WNK3: variants seen among roughly 807,000 people sequenced by gnomAD.
WNK3 encodes the protein serine/threonine-protein kinase WNK3.
In WNK3, 18 loss-of-function variants were observed where a neutral mutation model predicts 116.7. The observed-to-expected ratio is 0.15, with a 90% CI of 0.11 to 0.23. The LOEUF is 0.23. WNK3 is among the 10% of genes least tolerant of loss of function. WNK3 has a pLI of 1.00. For synonymous variants in WNK3, 404 were observed against 469.4 expected (o/e 0.86, Z 1.80); for missense variants, 993 against 1,323.8 (o/e 0.75, Z 3.88).
In WNK3 at chrX:54,318,778, G is replaced by A. The variant is rs147041326; in HGVS notation, c.538-7487C>T. 8.5e-3 allele frequency among the ~76,000 whole-genome samples: 934 copies of A among 110,457 alleles called. 7 individuals are homozygous for A. Among genetic ancestry groups the A allele is most frequent in the African/African-American group, 0.029 (883 of 30,449 alleles). ...TATGCTTTACTATCTGGCCTAATAA[G>A]TCTTTTCTTTTTTTTTTGAGATGGA... On this transcript the variant is annotated intron_variant, in intron 2 of 23. Transcript: ENST00000354646.
chrX:54,249,120 G>C (rs782086666), exon 17 of WNK3: 54 of 1,209,972 alleles, frequency 4.5e-5, no homozygotes, highest in Non-Finnish European at 5.6e-6. Context: ...GGGTCTGAGT[G>C]GGAATGACTG....
rs187297633 is a variant in WNK3 at position 54,316,966 on chromosome X, T to C, written c.538-5675A>G. 5.9e-3 allele frequency among the ~76,000 whole-genome samples: 657 copies of C among 111,004 alleles called. 7 individuals are homozygous for C. The highest frequency in any genetic ancestry group is 0.033 in the South Asian group (86 of 2,601). ...TATTCTAGGTATATACCCAAAAGAA[T>C]TGAAAGCAGAGACACAGACATTTGT... On this transcript the variant is annotated intron_variant, in intron 2 of 23. Coordinates refer to ENST00000354646, the Ensembl canonical transcript of WNK3.
rs187432834 is a variant in WNK3 at position 54,301,256 on chromosome X, A to T, written c.1178+515T>A. ...AGACTCTGTCTCAAAAAAAAAAAAA[A>T]AAAAAATTAAAAATAAAATAAGAAA... On this transcript the variant is annotated intron_variant, in intron 6 of 23. Coordinates refer to ENST00000354646, the Ensembl canonical transcript of WNK3. Among the ~76,000 whole-genome samples the T allele has an allele frequency of 1.8e-3, 199 of 109,036 alleles. 2 individuals are homozygous for T. The highest frequency in any genetic ancestry group is 3.1e-3 in the Admixed American group (31 of 9,965). The allele number at this position is 109,036 out of a possible 115,157, so 94.7% of individuals were successfully genotyped here.
intron 1 of WNK3, 54 bp downstream of exon 1, chrX:54,357,632 G>GC (rs1186115535): frequency 8.8e-6 from 1 of 113,461 alleles, no homozygotes. Flanking sequence ...TCCCAGACAC[G>GC]CCCCCCGGCC....
intron 1 of WNK3, among the ~76,000 whole-genome samples, chrX:54,347,415 G>A (rs1394164558): frequency 9.0e-6 from 1 of 111,546 alleles, no homozygotes; most frequent in Non-Finnish European, 1.9e-5. Context: ...GAACCCCGGA[G>A]GCAGAGGTTA....
chrX:54,261,594 T>C (rs782726932), intron 10 of WNK3, among the ~76,000 whole-genome samples: 8 of 111,857 alleles, frequency 7.2e-5, no homozygotes, highest in Non-Finnish European at 1.5e-4. Context: ...TTTAACACCT[T>C]GGTGTATATT....
intron 22 of WNK3, among the ~76,000 whole-genome samples, chrX:54,226,498 A>G (rs1409097898): frequency 3.8e-4 from 40 of 104,169 alleles, no homozygotes; most frequent in East Asian, 1.2e-3. Context: ...AGAAGAAGAA[A>G]AAAAAAAAGA....
chrX:54,352,516 G>A (rs1423761272), intron 1 of WNK3, among the ~76,000 whole-genome samples: 2 of 110,780 alleles, frequency 1.8e-5, no homozygotes, highest in Non-Finnish European at 3.8e-5. Context: ...TCTACCAAAT[G>A]TAAAAAATTA....
chrX:54,259,299 G>A, exon 11 of WNK3: 1 of 1,199,120 alleles, frequency 8.3e-7, no homozygotes, highest in Non-Finnish European at 1.1e-6. Flanking sequence ...GGTTTTAGAA[G>A]AGCTGCTTGT....
In WNK3 at chrX:54,309,267, C is replaced by T; in HGVS notation, c.759G>A (p.Trp253Ter). 1 of 1,211,326 alleles carries T rather than the reference C, an allele frequency of 8.3e-7. No homozygotes were observed. Residue 253 changes from tryptophan to a stop codon, truncating the protein, a stop_gained, in exon 4 of 24, where the codon TGG becomes TGA. Coordinates refer to ENST00000354646, the Ensembl canonical transcript of WNK3. LOFTEE classifies it high-confidence loss of function. Reference sequence around the variant, plus strand: ...GCAACCCCTTTAAAATTTGCCTGCACCAGCTCCTTAAGACCTTTGGTTTCA... The same window carrying T: ...GCAACCCCTTTAAAATTTGCCTGCATCAGCTCCTTAAGACCTTTGGTTTCA...
chrX:54,215,529 C>T (rs1234037797), intron 22 of WNK3, among the ~76,000 whole-genome samples: 4 of 112,459 alleles, frequency 3.6e-5, no homozygotes, highest in Admixed American at 9.4e-5. Flanking sequence ...GGCGTGATCT[C>T]CGCTCGCTAC....
chrX:54,209,718 T>G (rs7891782), intron 22 of WNK3, among the ~76,000 whole-genome samples: 17,528 of 106,471 alleles, frequency 0.16, 2,064 homozygotes, highest in African/African-American at 0.41. Context: ...GTCTGGCTAG[T>G]TTTTGTATTT....
chrX:54,235,485 C>A (rs1291763906), intron 20 of WNK3, among the ~76,000 whole-genome samples: 1 of 111,106 alleles, frequency 9.0e-6, no homozygotes, highest in Non-Finnish European at 1.9e-5. Flanking sequence ...CGGGGTTTTG[C>A]CATGTTGGCC....
At chrX:54,213,564 ACAAAC>A (rs1427473909) in intron 22 of WNK3, among the ~76,000 whole-genome samples, 2,058 of 94,485 alleles carry the variant, frequency 0.022, 496 homozygotes, top group African/African-American at 0.098. Context: ...AAAAAAAAAA[ACAAAC>A]AAAAAAAAAA....
At position 54,317,620 on chromosome X, in the gene WNK3, G is replaced by C. The variant is rs781824749; in HGVS notation, c.538-6329C>G. Among the ~76,000 whole-genome samples, 3 of 110,280 alleles carry C rather than the reference G, an allele frequency of 2.7e-5. No homozygotes were observed. The East Asian group carries it at 8.6e-4, about 31-fold the overall frequency. On this transcript the variant is annotated intron_variant, in intron 2 of 23. Transcript: ENST00000354646. ...AGGAGCTAGGCAGAGTGGGGAATGG[G>C]AAGTTAAATTTTTTTTTTCTTTTTT...
intron 5 of WNK3, among the ~76,000 whole-genome samples, chrX:54,302,119 T>C (rs1351931878): frequency 9.0e-6 from 1 of 110,881 alleles, no homozygotes; most frequent in African/African-American, 3.3e-5. Context: ...GTTATATATA[T>C]AGTATGATTT....
intron 2 of WNK3, among the ~76,000 whole-genome samples, chrX:54,330,098 G>A (rs2069150615): frequency 9.0e-6 from 1 of 111,557 alleles, no homozygotes; most frequent in Admixed American, 9.6e-5. Context: ...ACACGGCCAG[G>A]CATGGTGGCT....
rs782060003 is a variant in WNK3, at chrX:54,252,490, C to T, written c.2368-803G>A. The stretch of plus-strand genomic sequence containing the variant: ...TTCGAGACCAGCCTGGTCAACATGG[C>T]GAAATGCCATCTCTGTTAAAAATAC... On this transcript the variant is annotated intron_variant, in intron 13 of 23. Coordinates refer to ENST00000354646, the Ensembl canonical transcript of WNK3. 6.4e-5 allele frequency among the ~76,000 whole-genome samples: 7 copies of T among 110,189 alleles called. No individual in the cohort carries two copies. In the South Asian group the frequency reaches 1.2e-3, roughly 18 times the overall value.
intron 1 of WNK3, among the ~76,000 whole-genome samples, chrX:54,335,354 A>G (rs2069221510): frequency 8.9e-6 from 1 of 112,417 alleles, no homozygotes; most frequent in African/African-American, 3.2e-5. Flanking sequence ...ATACAAGCTT[A>G]CAGACATAAT....
Sources: gnomAD v4.1 joint callset for allele counts (sites outside exome capture counted in the v4.1 genomes callset) on GRCh38, gnomAD v4.1.1 for gene constraint, MANE v1.5 for transcripts, NCBI Gene and HGNC (gene_info 2026-07-23, HGNC 2026-07-21) for gene names.